TIAM2: variants seen among roughly 807,000 people sequenced by gnomAD.
The protein encoded by TIAM2 is TIAM Rac1 associated GEF 2, also known as rho guanine nucleotide exchange factor TIAM2.
Under a neutral mutation model 152.9 loss-of-function variants are expected in TIAM2, and 80 were observed. The observed-to-expected ratio is 0.52, with a 90% CI of 0.44 to 0.63. The LOEUF is 0.63. TIAM2 is among the 30% of genes least tolerant of loss of function. The pLI is 0.00. For missense variants in TIAM2, 1,965 were observed against 2,120.1 expected (o/e 0.93, Z 1.44); for synonymous variants, 804 against 838.0 (o/e 0.96, Z 0.70).
At chr6:155,222,085 C>T (rs112845176) in intron 15 of TIAM2, among the ~76,000 whole-genome samples, 12 of 152,096 alleles carry the variant, frequency 7.9e-5, no homozygotes, top group African/African-American at 2.9e-4. Flanking sequence ...TCCTCAGTAC[C>T]TGGGACCACA....
chr6:155,077,535 G>A (rs1484438828), intron 1 of TIAM2, among the ~76,000 whole-genome samples: 1 of 152,108 alleles, frequency 6.6e-6, no homozygotes, highest in African/African-American at 2.4e-5. Flanking sequence ...GTATTACTGA[G>A]TCATCTTGTT....
intron 1 of TIAM2, among the ~76,000 whole-genome samples, chr6:155,075,046 G>T (rs978846055): frequency 1.3e-5 from 2 of 151,940 alleles, no homozygotes; most frequent in African/African-American, 4.8e-5. Context: ...TCTGGACCAG[G>T]GTGGCAGGGT....
intron 15 of TIAM2, among the ~76,000 whole-genome samples, chr6:155,235,685 A>C (rs1161029492): frequency 6.6e-6 from 1 of 152,262 alleles, no homozygotes; most frequent in East Asian, 1.9e-4. Flanking sequence ...CTAAAATGTT[A>C]AGTGTACAAA....
intron 1 of TIAM2, among the ~76,000 whole-genome samples, chr6:155,082,655 C>CA (rs1035008897): frequency 1.5e-4 from 14 of 93,288 alleles, no homozygotes; most frequent in South Asian, 3.6e-4. Context: ...CATCTCAACC[C>CA]AAAAAAACCC....
rs1327286169 is a variant in TIAM2, at chr6:155,059,280, TTCTGTGTGTGTG to T, written c.-208-30995_-208-30984del. Among the ~76,000 whole-genome samples the T allele has an allele frequency of 5.9e-4, 71 of 119,762 alleles. 1 individual carries two copies. The highest frequency in any genetic ancestry group is 2.1e-3 in the African/African-American group (68 of 33,106). The allele number at this position is 119,762 out of a possible 152,430, so 78.6% of individuals were successfully genotyped here. On this transcript the variant is annotated intron_variant, in intron 1 of 26. Coordinates refer to ENST00000682666, the MANE Select transcript of TIAM2 (RefSeq NM_012454.4). ...ATCGGGAATTTAGTGGAATGTCCCT[TTCTGTGTGTGTG>T]TCTGTGTGTGTGTGTGTGTGTGTGT... is the stretch of plus-strand genomic sequence containing the variant.
At position 155,254,079 on chromosome 6, in the gene TIAM2, G is replaced by A. The variant is rs764865809; in HGVS notation, c.4313+19G>A. 21 of 1,605,260 alleles carry A rather than the reference G, an allele frequency of 1.3e-5. No homozygotes were observed. The highest frequency in any genetic ancestry group is 1.8e-5 in the Non-Finnish European group (21 of 1,174,568). ...GTTGCAGGTATGACTGACTTCCAAA[G>A]ATTAAAACCAACAGAAATAACATAG... is the stretch of plus-strand genomic sequence containing the variant. On this transcript the variant is annotated intron_variant, in intron 25 of 26. Transcript: ENST00000682666.
At chr6:155,071,900 A>G (rs1038146307) in intron 1 of TIAM2, among the ~76,000 whole-genome samples, 4 of 145,158 alleles carry the variant, frequency 2.8e-5, no homozygotes, top group Non-Finnish European at 5.9e-5. Flanking sequence ...TGTGTCAAAA[A>G]AAAAAAAAAA....
At chr6:155,113,878 A>G (rs1313859019) in intron 2 of TIAM2, among the ~76,000 whole-genome samples, 1 of 151,666 alleles carries the variant, frequency 6.6e-6, no homozygotes, top group African/African-American at 2.4e-5. Context: ...TATTCAGTGA[A>G]CATTTATTGC....
Position 155,257,620 on chromosome 6 carries a change from TAA to T in TIAM2, c.*500_*501del, listed in dbSNP as rs1784152350. Reference sequence around the variant, plus strand: ...GATGCTGTTTATACTAAACATGTCATAACTATCTATACAGTATATATTAAAAG... The same window carrying T: ...GATGCTGTTTATACTAAACATGTCATCTATCTATACAGTATATATTAAAAG... On this transcript the variant is annotated 3_prime_UTR_variant, in exon 27 of 27. Transcript: ENST00000682666. 2 of 553,806 alleles carry T rather than the reference TAA, an allele frequency of 3.6e-6. No individual in the cohort carries two copies. Among genetic ancestry groups the T allele is most frequent in the Non-Finnish European group, 6.3e-6 (2 of 317,884 alleles). The allele number at this position is 553,806 out of a possible 1,614,324, so 34.3% of individuals were successfully genotyped here.
chr6:155,140,595 A>T (rs890444658), intron 5 of TIAM2, among the ~76,000 whole-genome samples: 83 of 151,242 alleles, frequency 5.5e-4, no homozygotes, highest in African/African-American at 1.8e-3. Context: ...AGAGAGAGAG[A>T]GAGAGAGAGA....
intron 1 of TIAM2, among the ~76,000 whole-genome samples, chr6:155,001,240 A>G (rs1003348759): frequency 6.6e-6 from 1 of 152,136 alleles, no homozygotes; most frequent in Non-Finnish European, 1.5e-5. Context: ...CACCCATATG[A>G]CAACCTAGAA....
intron 14 of TIAM2, among the ~76,000 whole-genome samples, chr6:155,205,521 C>T (rs1781575757): frequency 6.6e-6 from 1 of 152,194 alleles, no homozygotes; most frequent in Non-Finnish European, 1.5e-5. Flanking sequence ...CCAGGGTCTG[C>T]TGGCGGCCAC....
intron 1 of TIAM2, among the ~76,000 whole-genome samples, chr6:155,069,732 T>G (rs1583175848): frequency 6.6e-6 from 1 of 152,138 alleles, no homozygotes; most frequent in South Asian, 2.1e-4. Context: ...TTCAGATGAT[T>G]TGCTTTGTCA....
Position 155,247,926 on chromosome 6 carries a change from A to G in TIAM2, c.3653-74A>G. The G allele has an allele frequency of 2.0e-6, 3 of 1,505,450 alleles. No individual in the cohort carries two copies. In the South Asian group the frequency reaches 3.8e-5, roughly 19 times the overall value. The allele number at this position is 1,505,450 out of a possible 1,614,324, so 93.3% of individuals were successfully genotyped here. ...GACTATAGAAATAGATGATCTATAA[A>G]TGTTAAAAGAGAAATGAAGAATTTA... On this transcript the variant is annotated intron_variant, in intron 19 of 26. Transcript: ENST00000682666.
chr6:155,243,497 T>C (rs777742200), intron 16 of TIAM2, among the ~76,000 whole-genome samples: 2 of 152,198 alleles, frequency 1.3e-5, no homozygotes, highest in Non-Finnish European at 2.9e-5. Flanking sequence ...TTGCCTGTAT[T>C]GTGATATTAA....
chr6:155,168,851 G>A, intron 9 of TIAM2: 2 of 1,535,464 alleles, frequency 1.3e-6, no homozygotes, highest in African/African-American at 1.4e-5. Flanking sequence ...TCAGATATTT[G>A]ATTCAAGTGG....
chr6:155,160,105 A>C (rs1465307226), intron 7 of TIAM2, among the ~76,000 whole-genome samples: 2 of 152,198 alleles, frequency 1.3e-5, no homozygotes, highest in African/African-American at 4.8e-5. Flanking sequence ...CTGCAGGGTA[A>C]GTCAGTAAGC....
At position 155,240,857 on chromosome 6, in the gene TIAM2, G is replaced by A. The variant is rs1038233627; in HGVS notation, c.3348+148G>A. The A allele has an allele frequency of 4.1e-4, 329 of 794,374 alleles. 1 individual carries two copies. Among genetic ancestry groups the A allele is most frequent in the Middle Eastern group, 1.4e-3 (4 of 2,812 alleles). 49.2% of individuals were successfully genotyped at this position (794,374 alleles called of 1,614,324 possible). A position where few individuals can be genotyped will look rare whatever the true frequency, so the allele number is the denominator to read the frequency against. On this transcript the variant is annotated intron_variant, in intron 16 of 26. Transcript: ENST00000682666. ...CTCCTTGAATCAGTGAATTGCTCAA[G>A]GAAGGGAGGGGAAGAGTGAGAGGGT... is the stretch of plus-strand genomic sequence containing the variant.
At chr6:155,233,727 G>T (rs548052285) in intron 15 of TIAM2, among the ~76,000 whole-genome samples, 2 of 152,280 alleles carry the variant, frequency 1.3e-5, no homozygotes, top group South Asian at 4.1e-4. Context: ...CCAGCAGTTT[G>T]GTGGGAGGAT....
Sources: gnomAD v4.1 joint callset for allele counts (sites outside exome capture counted in the v4.1 genomes callset) on GRCh38, gnomAD v4.1.1 for gene constraint, MANE v1.5 for transcripts, NCBI Gene and HGNC (gene_info 2026-07-23, HGNC 2026-07-21) for gene names.